The following KCNK2 variants were observed in gnomAD, a reference collection of about 807,000 sequenced individuals.
KCNK2 encodes potassium channel subfamily K member 2.
KCNK2 carries 21 observed loss-of-function variants against 40.5 expected under a neutral mutation model. The observed-to-expected ratio is 0.52, with a 90% CI of 0.37 to 0.75. KCNK2 has a LOEUF of 0.75. KCNK2 is among the 30% of genes least tolerant of loss of function. The pLI, the probability that KCNK2 is intolerant of heterozygous loss-of-function variation, is 0.00. For synonymous variants in KCNK2, 191 were observed against 202.2 expected (o/e 0.94, Z 0.47); for missense variants, 399 against 531.6 (o/e 0.75, Z 2.45).
intron 3 of KCNK2, among the ~76,000 whole-genome samples, chr1:215,140,402 A>C (rs986475508): frequency 6.6e-6 from 1 of 152,170 alleles, no homozygotes; most frequent in African/African-American, 2.4e-5. Context: ...TTTCCTGAAA[A>C]ATGTGTCATT....
rs979259721 is a variant in KCNK2 at position 215,093,426 on chromosome 1, A to C, written c.357+6748A>C. On this transcript the variant is annotated intron_variant, in intron 2 of 6. Transcript: ENST00000444842. The stretch of plus-strand genomic sequence containing the variant: ...ATACATATAATATATAATATATATT[A>C]TGTACATATAATATACATATAATAT... 5.3e-5 allele frequency among the ~76,000 whole-genome samples: 7 copies of C among 132,768 alleles called. No homozygotes were observed. The South Asian group carries it at 1.3e-3, about 25-fold the overall frequency. The allele number at this position is 132,768 out of a possible 152,430, so 87.1% of individuals were successfully genotyped here.
chr1:215,010,585 A>T (rs1656340527), intron 1 of KCNK2, among the ~76,000 whole-genome samples: 1 of 152,186 alleles, frequency 6.6e-6, no homozygotes, highest in Non-Finnish European at 1.5e-5. Flanking sequence ...ATTACAAGTC[A>T]TTAAATACCA....
At chr1:215,062,184 C>T (rs769438360) in intron 1 of KCNK2, among the ~76,000 whole-genome samples, 4 of 151,940 alleles carry the variant, frequency 2.6e-5, no homozygotes, top group African/African-American at 9.7e-5. Context: ...TTCAAAAGGC[C>T]GAAAATTGCT....
chr1:215,144,027 A>G (rs1288134065), intron 3 of KCNK2, among the ~76,000 whole-genome samples: 2 of 152,178 alleles, frequency 1.3e-5, no homozygotes, highest in Non-Finnish European at 2.9e-5. Context: ...ACTTGTAAAT[A>G]TTGAATTAAG....
intron 1 of KCNK2, among the ~76,000 whole-genome samples, chr1:215,040,516 A>G (rs1176427628): frequency 6.6e-6 from 1 of 152,172 alleles, no homozygotes; most frequent in Non-Finnish European, 1.5e-5. Flanking sequence ...CAGAGCCTCA[A>G]TTTACATAAC....
chr1:215,086,790 C>A, intron 2 of KCNK2, 112 bp downstream of exon 2: 1 of 917,954 alleles, frequency 1.1e-6, no homozygotes. Context: ...GAGCCCTATC[C>A]CACCTCATTT....
At chr1:215,209,793 T>A (rs1329806771) in intron 6 of KCNK2, among the ~76,000 whole-genome samples, 1 of 58,616 alleles carries the variant, frequency 1.7e-5, no homozygotes, top group African/African-American at 7.3e-5. Context: ...ATATATTATA[T>A]ATAAAATATA....
At chr1:215,065,980 C>T (rs1658524374) in intron 1 of KCNK2, among the ~76,000 whole-genome samples, 1 of 152,050 alleles carries the variant, frequency 6.6e-6, no homozygotes. Flanking sequence ...ATTGATGAAG[C>T]TGGAAGCCAT....
chr1:215,083,615 G>C (rs182999884), intron 1 of KCNK2, 184 bp downstream of exon 1: 7 of 607,854 alleles, frequency 1.2e-5, no homozygotes, highest in Admixed American at 5.5e-5. Flanking sequence ...TCTCCACGCC[G>C]CTTCTCCCCC....
intron 3 of KCNK2, among the ~76,000 whole-genome samples, chr1:215,156,322 C>T (rs189998027): frequency 1.2e-4 from 18 of 152,296 alleles, no homozygotes; most frequent in African/African-American, 3.9e-4. Context: ...ATCCCCTTGC[C>T]GCTTGCAGTG....
chr1:215,119,795 A>G (rs986467628), intron 2 of KCNK2, among the ~76,000 whole-genome samples: 1 of 152,152 alleles, frequency 6.6e-6, no homozygotes, highest in African/African-American at 2.4e-5. Flanking sequence ...GTGAAATTTT[A>G]TTATCTATTC....
chr1:215,017,511 T>C (rs1392307689), intron 1 of KCNK2, among the ~76,000 whole-genome samples: 1 of 152,142 alleles, frequency 6.6e-6, no homozygotes, highest in Admixed American at 6.5e-5. Flanking sequence ...ATTACATGAC[T>C]TCACTTATAT....
At chr1:215,176,285 T>C (rs1444322184) in intron 5 of KCNK2, among the ~76,000 whole-genome samples, 1 of 152,148 alleles carries the variant, frequency 6.6e-6, no homozygotes, top group Non-Finnish European at 1.5e-5. Context: ...TAGAAACTTG[T>C]GTGTCTTCTT....
chr1:215,230,089 G>GTA (rs1553276403), intron 6 of KCNK2, among the ~76,000 whole-genome samples: 7,112 of 32,604 alleles, frequency 0.22, 297 homozygotes, highest in South Asian at 0.32. Context: ...CTGTGTGTGT[G>GTA]TATACACACA....
At chr1:215,045,782 T>G (rs995799816) in intron 1 of KCNK2, among the ~76,000 whole-genome samples, 2 of 152,182 alleles carry the variant, frequency 1.3e-5, no homozygotes, top group Non-Finnish European at 2.9e-5. Flanking sequence ...TGTAAATAAA[T>G]TTTCCATTCT....
chr1:215,184,811 A>G (rs896553082), intron 5 of KCNK2, among the ~76,000 whole-genome samples: 1 of 152,176 alleles, frequency 6.6e-6, no homozygotes, highest in Non-Finnish European at 1.5e-5. Context: ...CCCAAACCAT[A>G]TCAGTGTTAT....
At chr1:215,087,948 C>T (rs1659519617) in intron 2 of KCNK2, among the ~76,000 whole-genome samples, 2 of 152,190 alleles carry the variant, frequency 1.3e-5, no homozygotes, top group Non-Finnish European at 2.9e-5. Flanking sequence ...TTAGTTTCTA[C>T]CGCATTCAGA....
intron 3 of KCNK2, among the ~76,000 whole-genome samples, chr1:215,139,971 T>C (rs887844017): frequency 6.6e-6 from 1 of 152,168 alleles, no homozygotes; most frequent in African/African-American, 2.4e-5. Context: ...TTCCTATGTA[T>C]AGTTGACTTA....
At chr1:215,094,841 A>T (rs977549269) in intron 2 of KCNK2, among the ~76,000 whole-genome samples, 6 of 152,140 alleles carry the variant, frequency 3.9e-5, no homozygotes, top group African/African-American at 1.4e-4. Context: ...TTAAAAAGGA[A>T]TATTATTTAA....
Sources: gnomAD v4.1 joint callset for allele counts (sites outside exome capture counted in the v4.1 genomes callset) on GRCh38, gnomAD v4.1.1 for gene constraint, MANE v1.5 for transcripts, NCBI Gene and HGNC (gene_info 2026-07-23, HGNC 2026-07-21) for gene names.